Variants in KAZN observed in about 807,000 individuals in gnomAD.
KAZN encodes kazrin.
Under a neutral mutation model 87.4 loss-of-function variants are expected in KAZN, and 40 were observed. That is an observed-to-expected ratio of 0.46 (90% CI 0.36 to 0.60). The LOEUF (loss-of-function observed/expected upper bound fraction) is 0.60, where lower values mean the gene tolerates loss of function less well. Among genes scored for constraint, KAZN ranks in the 20% least tolerant of loss-of-function variants. The pLI, the probability that KAZN is intolerant of heterozygous loss-of-function variation, is 0.00. For missense variants in KAZN, 898 were observed against 1,073.9 expected (o/e 0.84, Z 2.29); for synonymous variants, 466 against 458.3 (o/e 1.02, Z -0.22).
chr1:14,940,911 T>C (rs1660995908), intron 1 of KAZN, among the ~76,000 whole-genome samples: 1 of 129,422 alleles, frequency 7.7e-6, no homozygotes, highest in African/African-American at 2.9e-5. Flanking sequence ...TTTTTTTTTT[T>C]TTTTTTTTTT....
chr1:15,044,486 T>C (rs1367829468), intron 4 of KAZN, among the ~76,000 whole-genome samples: 1 of 152,116 alleles, frequency 6.6e-6, no homozygotes, highest in Non-Finnish European at 1.5e-5. Flanking sequence ...CAGTGGCTCA[T>C]GCCTGTAATC....
chr1:15,104,162 A>C lies in KAZN; in HGVS notation c.2021A>C (p.Glu674Ala), dbSNP rs748957837. ...ATCCTCCGGAGACACCTGGCAGAGGAGATGAGCGCCGTCTTCCACCCAGCC... is the reference window on the plus strand; with the variant it reads ...ATCCTCCGGAGACACCTGGCAGAGGCGATGAGCGCCGTCTTCCACCCAGCC... Reference protein sequence around the residue: ...KHILRRHLAEEMSAVFHPANS... With the variant: ...KHILRRHLAEAMSAVFHPANS... Residue 674 changes from glutamate to alanine, a missense_variant, in exon 13 of 15, where the codon GAG (glutamate) becomes GCG (alanine). Coordinates refer to ENST00000376030, the MANE Select transcript of KAZN (RefSeq NM_201628.3). 2.5e-6 allele frequency: 4 copies of C among 1,595,138 alleles called. No homozygotes were observed. Among genetic ancestry groups the C allele is most frequent in the Non-Finnish European group, 2.6e-6 (3 of 1,171,240 alleles).
At chr1:14,158,925 T>C (rs1419101175) in intron 1 of KAZN, among the ~76,000 whole-genome samples, 1 of 152,214 alleles carries the variant, frequency 6.6e-6, no homozygotes, top group Non-Finnish European at 1.5e-5. Context: ...AGAGACATTC[T>C]TTTTTTCTTC....
Position 15,099,264 on chromosome 1 carries a change from TC to T in KAZN, c.1548-2278del. Among the ~76,000 whole-genome samples the T allele has an allele frequency of 6.6e-6, 1 of 152,294 alleles. No individual in the cohort carries two copies. Among genetic ancestry groups the T allele is most frequent in the Admixed American group, 6.5e-5 (1 of 15,304 alleles). Reference sequence around the variant, plus strand: ...TATTCCAGGAAGCATTCAATCAGTGTCTACTGTGCACGTAGACTGTGCTGTT... The same window carrying T: ...TATTCCAGGAAGCATTCAATCAGTGTTACTGTGCACGTAGACTGTGCTGTT... On this transcript the variant is annotated intron_variant, in intron 10 of 14. Coordinates refer to ENST00000376030, the MANE Select transcript of KAZN (RefSeq NM_201628.3). The surrounding 1 kb of genome is among the most constrained non-coding windows in gnomAD (Gnocchi z 5.4).
chr1:15,004,984 G>C (rs1165597929), intron 2 of KAZN, among the ~76,000 whole-genome samples: 1 of 152,058 alleles, frequency 6.6e-6, no homozygotes, highest in African/African-American at 2.4e-5. Flanking sequence ...TTATTCTTTT[G>C]AGCTGGTGAT....
At chr1:15,087,553 C>T (rs1640319807) in intron 8 of KAZN, among the ~76,000 whole-genome samples, 1 of 152,122 alleles carries the variant, frequency 6.6e-6, no homozygotes, top group Admixed American at 6.5e-5. Context: ...CCACCATGCC[C>T]AGCTAATTTT....
At chr1:15,113,606 A>T (rs1187180833) in intron 14 of KAZN, 1 of 152,200 alleles carries the variant, frequency 6.6e-6, no homozygotes, top group African/African-American at 2.4e-5. Context: ...ACTATTCATC[A>T]AGTACATCAA....
chr1:14,353,252 T>A (rs1658704003), intron 2 of KAZN, among the ~76,000 whole-genome samples: 1 of 144,526 alleles, frequency 6.9e-6, no homozygotes, highest in African/African-American at 2.6e-5. Flanking sequence ...TGAGACGGAG[T>A]CTGGCTGTGT....
In KAZN at chr1:14,127,937, G is replaced by C. The variant is rs77829434; in HGVS notation, c.92-52498G>C. Among the ~76,000 whole-genome samples the C allele has an allele frequency of 4.6e-5, 7 of 152,274 alleles. No homozygotes were observed. The East Asian group carries it at 1.2e-3, about 25-fold the overall frequency. On this transcript the variant is annotated intron_variant, in intron 1 of 16. Transcript: ENST00000636203. ...CCTGGGTCCACTCACGATGCTGGGA[G>C]GACCAGGTGGTCCTGGCAACACTGA...
chr1:14,545,404 G>A (rs970776549), intron 2 of KAZN, among the ~76,000 whole-genome samples: 22 of 152,302 alleles, frequency 1.4e-4, no homozygotes, highest in African/African-American at 4.8e-4. Flanking sequence ...GATTGTCTGA[G>A]TTGGAATCCT....
At chr1:14,697,768 T>C (rs181248247) in intron 1 of KAZN, among the ~76,000 whole-genome samples, 1 of 152,382 alleles carries the variant, frequency 6.6e-6, no homozygotes, top group East Asian at 1.9e-4. Flanking sequence ...CGTTTTCCTA[T>C]GTTAAAACTG....
intron 2 of KAZN, among the ~76,000 whole-genome samples, chr1:14,219,832 T>G (rs1389248104): frequency 6.6e-6 from 1 of 152,186 alleles, no homozygotes; most frequent in East Asian, 1.9e-4. Flanking sequence ...ATTAAAGGAA[T>G]ATTTAGAACC....
chr1:14,685,864 G>A (rs1401464765), intron 1 of KAZN, among the ~76,000 whole-genome samples: 1 of 152,174 alleles, frequency 6.6e-6, no homozygotes, highest in African/African-American at 2.4e-5. Flanking sequence ...GCTTCTGTGT[G>A]TGTGCGCACG....
At chr1:14,889,381 T>C (rs372081355) in intron 1 of KAZN, among the ~76,000 whole-genome samples, 1 of 152,242 alleles carries the variant, frequency 6.6e-6, no homozygotes, top group Admixed American at 6.5e-5. Flanking sequence ...ATGGAAAGTA[T>C]AAAGCAGTAA....
chr1:14,934,307 A>G (rs552104333), intron 1 of KAZN, among the ~76,000 whole-genome samples: 2 of 150,900 alleles, frequency 1.3e-5, no homozygotes, highest in South Asian at 4.2e-4. Flanking sequence ...TCCCAGGTTC[A>G]AACAATTCTC....
At chr1:14,498,910 G>A (rs1416594522) in intron 2 of KAZN, among the ~76,000 whole-genome samples, 1 of 151,870 alleles carries the variant, frequency 6.6e-6, no homozygotes, top group African/African-American at 2.4e-5. Context: ...GGGGACCTGG[G>A]GACAGTAACA....
At chr1:14,781,578 G>A (rs1277101423) in intron 1 of KAZN, among the ~76,000 whole-genome samples, 1 of 152,188 alleles carries the variant, frequency 6.6e-6, no homozygotes, top group Non-Finnish European at 1.5e-5. Flanking sequence ...AAACTGAGGG[G>A]TCCAGATAGG....
intron 2 of KAZN, among the ~76,000 whole-genome samples, chr1:14,408,105 A>G (rs1286568091): frequency 1.3e-5 from 2 of 152,176 alleles, no homozygotes; most frequent in South Asian, 2.1e-4. Flanking sequence ...ATGATCCCCA[A>G]TTAGGACCTA....
intron 1 of KAZN, among the ~76,000 whole-genome samples, chr1:14,958,706 G>A (rs1235024129): frequency 6.6e-6 from 1 of 152,188 alleles, no homozygotes; most frequent in Non-Finnish European, 1.5e-5. Context: ...GACCTCCAGG[G>A]AATACACATC....
Sources: gnomAD v4.1 joint callset for allele counts (sites outside exome capture counted in the v4.1 genomes callset) on GRCh38, gnomAD v4.1.1 for gene constraint, Gnocchi (gnomAD v3.1) non-coding constraint, MANE v1.5 for transcripts, NCBI Gene and HGNC (gene_info 2026-07-23, HGNC 2026-07-21) for gene names.